Variants in SLC38A6 observed in about 807,000 individuals in gnomAD.
The protein encoded by SLC38A6 is N system amino acid transporter NAT-1.
Under a neutral mutation model 65.0 loss-of-function variants are expected in SLC38A6, and 73 were observed. That is an observed-to-expected ratio of 1.12 (90% CI 0.93 to 1.37). The LOEUF is 1.37. Ranked by LOEUF, SLC38A6 falls within the 40% of genes most tolerant of loss-of-function variation. The pLI, the probability that SLC38A6 is intolerant of heterozygous loss-of-function variation, is 0.00. For synonymous variants in SLC38A6, 183 were observed against 178.8 expected (o/e 1.02, Z -0.19); for missense variants, 561 against 531.1 (o/e 1.06, Z -0.55).
chr14:61,069,290 C>G (rs1246356044), intron 15 of SLC38A6, among the ~76,000 whole-genome samples: 1 of 152,090 alleles, frequency 6.6e-6, no homozygotes, highest in Non-Finnish European at 1.5e-5. Flanking sequence ...GTATTACTCT[C>G]TTGCTCAAGA....
intron 4 of SLC38A6, among the ~76,000 whole-genome samples, chr14:61,016,234 G>A (rs1444341912): frequency 2.0e-5 from 3 of 152,058 alleles, no homozygotes; most frequent in Non-Finnish European, 2.9e-5. Flanking sequence ...AAAGAGTAAC[G>A]ATGACCTGTT....
At chr14:61,030,704 A>G in intron 6 of SLC38A6, 181 bp downstream of exon 6, 1 of 508,264 alleles carries the variant, frequency 2.0e-6, no homozygotes, top group South Asian at 2.5e-5. Flanking sequence ...CCAATGTTTG[A>G]TTACCCATAT....
At chr14:61,016,778 G>T (rs186515552) in intron 4 of SLC38A6, among the ~76,000 whole-genome samples, 2 of 151,926 alleles carry the variant, frequency 1.3e-5, no homozygotes, top group Non-Finnish European at 2.9e-5. Context: ...TTATGTTTTC[G>T]ATTGACAAAT....
downstream of SLC38A6, among the ~76,000 whole-genome samples, chr14:61,054,433 G>A (rs1229965128): frequency 6.6e-6 from 1 of 152,108 alleles, no homozygotes; most frequent in African/African-American, 2.4e-5. Flanking sequence ...AGTTTTATAG[G>A]AATAGCATTG....
chr14:60,994,298 C>A (rs1013784744), intron 3 of SLC38A6, among the ~76,000 whole-genome samples: 1 of 152,254 alleles, frequency 6.6e-6, no homozygotes, highest in Non-Finnish European at 1.5e-5. Context: ...GTAATCCCAG[C>A]ACTTTGGGAG....
intron 15 of SLC38A6, chr14:61,078,774 TTTTATTTA>T (rs760287795): frequency 8.7e-5 from 16 of 184,354 alleles, no homozygotes; most frequent in South Asian, 6.1e-4. Flanking sequence ...TTATTTTTTA[TTTTATTTA>T]TTTATTTATT....
chr14:61,028,858 A>C (rs1017164615), intron 5 of SLC38A6, among the ~76,000 whole-genome samples: 2 of 152,192 alleles, frequency 1.3e-5, no homozygotes, highest in Non-Finnish European at 2.9e-5. Context: ...AGTATTATCT[A>C]TCTCCATACA....
chr14:60,996,489 A>C (rs891631440), intron 3 of SLC38A6, among the ~76,000 whole-genome samples: 1 of 152,110 alleles, frequency 6.6e-6, no homozygotes, highest in African/African-American at 2.4e-5. Flanking sequence ...GAAAATTAGA[A>C]GATCAGTCCA....
chr14:61,069,130 GA>G (rs2139952333), intron 15 of SLC38A6, among the ~76,000 whole-genome samples: 1 of 152,216 alleles, frequency 6.6e-6, no homozygotes, highest in Non-Finnish European at 1.5e-5. Flanking sequence ...TGAGGGTTAC[GA>G]CCCAGGCATC....
rs2041910100 is a variant in SLC38A6, at chr14:61,043,131, C to T, written c.625-16C>T. ...ATAAGAAATGATCTGAGTGCTGATT[C>T]TGTTTACTTTTTTAGGTAATAATTA... is the stretch of plus-strand genomic sequence containing the variant. On this transcript the variant is annotated splice_polypyrimidine_tract_variant and intron_variant, in intron 8 of 15. Transcript: ENST00000267488. The T allele has an allele frequency of 4.1e-6, 6 of 1,468,164 alleles. No homozygotes were observed. Among genetic ancestry groups the T allele is most frequent in the Non-Finnish European group, 5.6e-6 (6 of 1,071,468 alleles). The allele number at this position is 1,468,164 out of a possible 1,614,324, so 90.9% of individuals were successfully genotyped here. A position where few individuals can be genotyped will look rare whatever the true frequency, so the allele number is the denominator to read the frequency against.
At chr14:60,990,343 C>G (rs185974320) in intron 3 of SLC38A6, among the ~76,000 whole-genome samples, 1 of 152,072 alleles carries the variant, frequency 6.6e-6, no homozygotes, top group African/African-American at 2.4e-5. Context: ...CACTCATTAT[C>G]GGGCTCATGG....
intron 5 of SLC38A6, among the ~76,000 whole-genome samples, chr14:61,029,150 T>C (rs1410925328): frequency 5.3e-5 from 8 of 151,550 alleles, no homozygotes; most frequent in Non-Finnish European, 1.2e-4. Flanking sequence ...AGTATACTCT[T>C]TATTCTTTTT....
chr14:61,015,328 C>A (rs2039923534), intron 3 of SLC38A6, among the ~76,000 whole-genome samples: 1 of 152,122 alleles, frequency 6.6e-6, no homozygotes, highest in Admixed American at 6.5e-5. Context: ...CCTTGCACTT[C>A]CCAGGTGAGG....
intron 3 of SLC38A6, among the ~76,000 whole-genome samples, chr14:60,996,795 G>A (rs2038324405): frequency 6.6e-6 from 1 of 152,060 alleles, no homozygotes; most frequent in Admixed American, 6.5e-5. Flanking sequence ...AGTAGTGAAA[G>A]TCTTCCTAGG....
chr14:61,043,413 G>A (rs1204282544), intron 9 of SLC38A6, 37 bp from the exon 10 acceptor site: 2 of 1,491,584 alleles, frequency 1.3e-6, no homozygotes, highest in East Asian at 2.3e-5. Flanking sequence ...TTTAATGGCT[G>A]TTGGTTTCTC....
rs943410086 is a variant in SLC38A6 at position 61,048,261 on chromosome 14, G to A, written c.925+2094G>A. On this transcript the variant is annotated intron_variant, in intron 12 of 15. Transcript: ENST00000267488. ...TTCATTTTACAGATGAACAACTAAAGCCCAGAGAGGTGAAGTGACCTGTCA... is the reference window on the plus strand; with the variant it reads ...TTCATTTTACAGATGAACAACTAAAACCCAGAGAGGTGAAGTGACCTGTCA... 1.5e-5 allele frequency: 6 copies of A among 401,520 alleles called. No homozygotes were observed. In the Admixed American group the frequency reaches 1.9e-4, roughly 13 times the overall value. 24.9% of individuals were successfully genotyped at this position (401,520 alleles called of 1,614,324 possible).
intron 5 of SLC38A6, among the ~76,000 whole-genome samples, chr14:61,029,970 C>T (rs1019751014): frequency 6.6e-6 from 1 of 152,092 alleles, no homozygotes; most frequent in Non-Finnish European, 1.5e-5. Context: ...GGGAATGAGA[C>T]TTCTCTGTTG....
At chr14:60,995,766 CAAAA>C (rs1165559414) in intron 3 of SLC38A6, among the ~76,000 whole-genome samples, 4 of 151,890 alleles carry the variant, frequency 2.6e-5, no homozygotes, top group Non-Finnish European at 5.9e-5. Flanking sequence ...TATAATAAAA[CAAAA>C]AAATCTGAAA....
intron 13 of SLC38A6, 55 bp from the exon 14 acceptor site, chr14:61,051,732 A>G: frequency 1.3e-6 from 2 of 1,591,046 alleles, no homozygotes; most frequent in South Asian, 1.1e-5. Context: ...CTCTCAGCAA[A>G]TATCTGGACT....
Sources: gnomAD v4.1 joint callset for allele counts (sites outside exome capture counted in the v4.1 genomes callset) on GRCh38, gnomAD v4.1.1 for gene constraint, MANE v1.5 for transcripts, NCBI Gene and HGNC (gene_info 2026-07-23, HGNC 2026-07-21) for gene names.